Variants in DLGAP2 observed in about 807,000 individuals in gnomAD.
DLGAP2 encodes the protein DLG associated protein 2.
DLGAP2 carries 26 observed loss-of-function variants against 100.3 expected under a neutral mutation model. The ratio of observed to expected loss-of-function variants is 0.26; its 90% confidence interval spans 0.19 to 0.36. The LOEUF is 0.36. Among genes scored for constraint, DLGAP2 ranks in the 10% least tolerant of loss-of-function variants. The pLI is 1.00. For synonymous variants in DLGAP2, 886 were observed against 630.1 expected (o/e 1.41, Z -6.08); for missense variants, 1,858 against 1,453.2 (o/e 1.28, Z -4.53).
chr8:1,147,810 G>C (rs1044583109), intron 2 of DLGAP2, among the ~76,000 whole-genome samples: 2 of 151,812 alleles, frequency 1.3e-5, no homozygotes, highest in African/African-American at 4.8e-5. Flanking sequence ...ATTGATTTCT[G>C]AATCATAAAT....
chr8:1,160,113 G>A (rs1302689041), intron 2 of DLGAP2, among the ~76,000 whole-genome samples: 1 of 152,234 alleles, frequency 6.6e-6, no homozygotes, highest in Non-Finnish European at 1.5e-5. Context: ...TGACGCCGCG[G>A]CCCGTGGGTT....
chr8:1,639,171 C>T (rs183726197), intron 8 of DLGAP2, among the ~76,000 whole-genome samples: 1 of 152,140 alleles, frequency 6.6e-6, no homozygotes, highest in Admixed American at 6.5e-5. Context: ...GAGGTGCGGT[C>T]CAGAGCCATG....
intron 2 of DLGAP2, among the ~76,000 whole-genome samples, chr8:1,102,209 T>A: frequency 6.7e-6 from 1 of 148,190 alleles, no homozygotes; most frequent in East Asian, 1.9e-4. Flanking sequence ...ACATATTGAA[T>A]ATATATAATG....
chr8:1,055,412 T>G (rs1007697259), intron 2 of DLGAP2, among the ~76,000 whole-genome samples: 1 of 152,206 alleles, frequency 6.6e-6, no homozygotes, highest in Non-Finnish European at 1.5e-5. Context: ...TAAATATTAA[T>G]GTAATAAGAT....
At chr8:1,227,538 G>A (rs1285079030) in intron 2 of DLGAP2, among the ~76,000 whole-genome samples, 1 of 151,156 alleles carries the variant, frequency 6.6e-6, no homozygotes, top group East Asian at 2.0e-4. Flanking sequence ...CTGTCGCCCA[G>A]ACTGGAGTGC....
intron 2 of DLGAP2, among the ~76,000 whole-genome samples, chr8:1,214,149 C>G (rs1325822612): frequency 2.0e-5 from 3 of 152,204 alleles, no homozygotes; most frequent in Non-Finnish European, 1.5e-5. Flanking sequence ...CTTCCCTCCA[C>G]ACCTCATTCC....
chr8:1,059,877 G>A (rs1221270347), intron 2 of DLGAP2, among the ~76,000 whole-genome samples: 1 of 152,156 alleles, frequency 6.6e-6, no homozygotes, highest in African/African-American at 2.4e-5. Flanking sequence ...GGGGGCGGTC[G>A]CGATGCAAAT....
intron 1 of DLGAP2, among the ~76,000 whole-genome samples, chr8:862,383 G>C (rs1371189102): frequency 6.6e-6 from 1 of 151,636 alleles, no homozygotes; most frequent in Non-Finnish European, 1.5e-5. Context: ...GCTCACTGCG[G>C]CCTCCGCCTT....
chr8:1,169,377 T>C (rs1797082197), intron 2 of DLGAP2, among the ~76,000 whole-genome samples: 1 of 152,156 alleles, frequency 6.6e-6, no homozygotes, highest in African/African-American at 2.4e-5. Flanking sequence ...TCTTTCTTGG[T>C]TCCATATGAA....
At chr8:1,639,739 C>G (rs1025085252) in intron 8 of DLGAP2, among the ~76,000 whole-genome samples, 1 of 152,226 alleles carries the variant, frequency 6.6e-6, no homozygotes, top group Non-Finnish European at 1.5e-5. Context: ...CTGGAGGCTT[C>G]CGGGGAGCCC....
intron 3 of DLGAP2, among the ~76,000 whole-genome samples, chr8:1,362,162 G>A (rs1206530436): frequency 2.0e-5 from 3 of 152,160 alleles, no homozygotes; most frequent in Non-Finnish European, 4.4e-5. Context: ...CCGCAGCGCC[G>A]TCTCGGCACT....
At chr8:1,538,949 G>A (rs527642821) in intron 4 of DLGAP2, among the ~76,000 whole-genome samples, 6 of 147,488 alleles carry the variant, frequency 4.1e-5, no homozygotes, top group African/African-American at 1.0e-4. Context: ...GCAATGGTGC[G>A]ATCTCCACTC....
chr8:1,422,134 C>A (rs1797105219), intron 3 of DLGAP2, among the ~76,000 whole-genome samples: 1 of 152,114 alleles, frequency 6.6e-6, no homozygotes. Context: ...GGACAGCTAC[C>A]CCGTTTCACG....
chr8:1,384,370 AC>A (rs1288208624), intron 3 of DLGAP2, among the ~76,000 whole-genome samples: 29 of 145,094 alleles, frequency 2.0e-4, no homozygotes, highest in African/African-American at 7.3e-4. Flanking sequence ...GTGCACAGTT[AC>A]CCCGGCCTGT....
intron 2 of DLGAP2, among the ~76,000 whole-genome samples, chr8:960,651 G>A (rs1008644583): frequency 6.6e-6 from 1 of 152,052 alleles, no homozygotes; most frequent in African/African-American, 2.4e-5. Flanking sequence ...TTAGTCAGCT[G>A]GTATTTACTT....
intron 5 of DLGAP2, among the ~76,000 whole-genome samples, chr8:1,560,937 T>A (rs958242655): frequency 6.6e-6 from 1 of 152,194 alleles, no homozygotes; most frequent in Non-Finnish European, 1.5e-5. Context: ...ACATTGACCA[T>A]GTCATTAATA....
chr8:943,623 T>C (rs1234943589), intron 2 of DLGAP2, among the ~76,000 whole-genome samples: 1 of 133,572 alleles, frequency 7.5e-6, no homozygotes, highest in Non-Finnish European at 1.6e-5. Context: ...GGAGCTGGCA[T>C]GTGGACGTCG....
chr8:1,432,958 G>A (rs537659503), intron 3 of DLGAP2, among the ~76,000 whole-genome samples: 25 of 152,256 alleles, frequency 1.6e-4, no homozygotes, highest in Middle Eastern at 3.4e-3. Context: ...CCCAGGGCCC[G>A]CTGTGCTGCT....
At chr8:907,885 G>T in intron 1 of DLGAP2, 27 bp from the exon 2 acceptor site, 1 of 398,824 alleles carries the variant, frequency 2.5e-6, no homozygotes, top group Non-Finnish European at 4.4e-6. Flanking sequence ...GATAACAAAT[G>T]TATTTTATTT....
Sources: allele counts gnomAD v4.1 joint callset (sites outside exome capture counted in the v4.1 genomes callset), GRCh38; gene constraint gnomAD v4.1.1; transcripts MANE v1.5; gene names NCBI Gene and HGNC (gene_info 2026-07-23, HGNC 2026-07-21).